The following MAN2B2 variants were observed in gnomAD, a reference collection of about 807,000 sequenced individuals.
MAN2B2 encodes epididymis-specific alpha-mannosidase.
Under a neutral mutation model 117.1 loss-of-function variants are expected in MAN2B2, and 106 were observed. That is an observed-to-expected ratio of 0.90 (90% CI 0.77 to 1.06). The LOEUF is 1.06. MAN2B2 is among the 50% of genes least tolerant of loss of function. The pLI is 0.00. For synonymous variants in MAN2B2, 544 were observed against 595.1 expected, an observed-to-expected ratio of 0.91 and a Z score of 1.25; for missense variants, 1,326 against 1,381.4, an observed-to-expected ratio of 0.96 and a Z score of 0.64.
In MAN2B2 at chr4:6,617,423, G is replaced by A. The variant is rs765110208; in HGVS notation, c.2745G>A (p.Leu915=). The change falls in exon 17 of 19, where the codon CTG becomes CTA. Residue 915 remains leucine, a synonymous_variant. Coordinates refer to ENST00000285599, the MANE Select transcript of MAN2B2 (RefSeq NM_015274.3). ...AGGCTGACCTCCGCCGTGTCCTGCT[G>A]CGGCTCTACCACCTATATGAAGTGG... is the stretch of plus-strand genomic sequence containing the variant. ...EAQADLRRVL[L]RLYHLYEVGE... 6.2e-7 allele frequency: 1 copy of A among 1,614,148 alleles called. No homozygotes were observed. The highest frequency in any genetic ancestry group is 2.2e-5 in the East Asian group (1 of 44,866).
At chr4:6,619,682 G>C (rs1712064696) in intron 17 of MAN2B2, 2 of 426,484 alleles carry the variant, frequency 4.7e-6, no homozygotes, top group Non-Finnish European at 8.6e-6. Context: ...TGCTCCTCCA[G>C]CTCGGCCACC....
chr4:6,594,417 C>T (rs1726983480), intron 6 of MAN2B2, 117 bp from the exon 7 acceptor site: 2 of 1,012,012 alleles, frequency 2.0e-6, no homozygotes, highest in African/African-American at 1.6e-5. Context: ...GTTTGGGGCC[C>T]CTGTTGGCCG....
intron 1 of MAN2B2, among the ~76,000 whole-genome samples, chr4:6,576,141 C>T (rs1726050119): frequency 6.6e-6 from 1 of 152,176 alleles, no homozygotes. Flanking sequence ...AGCTCTTCCT[C>T]TCAGCACCAG....
chr4:6,575,246 G>A lies in MAN2B2; in HGVS notation c.36G>A (p.Pro12=). 1.3e-6 allele frequency: 2 copies of A among 1,543,014 alleles called. No individual in the cohort carries two copies. The highest frequency in any genetic ancestry group is 8.7e-7 in the Non-Finnish European group (1 of 1,149,762). The change falls in exon 1 of 19, where the codon CCG becomes CCA. Residue 12 remains proline, a synonymous_variant. Transcript: ENST00000285599. ...GQLCWLPLLA[P]LLLLRPPGVQ... ...TGTGCTGGCTGCCGCTGCTGGCACCGCTCCTGTTGCTGCGACCGCCAGGGG... is the reference window on the plus strand; with the variant it reads ...TGTGCTGGCTGCCGCTGCTGGCACCACTCCTGTTGCTGCGACCGCCAGGGG...
Position 6,611,158 on chromosome 4 carries a change from TCA to T in MAN2B2, c.2444_2445del (p.Ser815CysfsTer94), listed in dbSNP as rs777347000. 8 of 1,613,856 alleles carry T rather than the reference TCA, an allele frequency of 5.0e-6. No homozygotes were observed. In the South Asian group the frequency reaches 8.8e-5, roughly 18 times the overall value. ...LGYNLTLNDT[S>X]VVHPVLWLLL... ...CTACAACCTCACGCTGAACGACACC[TCA>T]GTCGTCCACCCAGTGCTCTGGCTTC... On this transcript the variant is annotated frameshift_variant, in exon 15 of 19. Transcript: ENST00000285599. LOFTEE classifies it high-confidence loss of function.
intron 6 of MAN2B2, 63 bp from the exon 7 acceptor site, chr4:6,594,471 C>T: frequency 6.5e-7 from 1 of 1,549,002 alleles, no homozygotes; most frequent in African/African-American, 1.4e-5. Flanking sequence ...AGCGATCGGC[C>T]CACCCCCACT....
chr4:6,600,377 G>A (rs1478950316), intron 9 of MAN2B2, among the ~76,000 whole-genome samples: 2 of 152,326 alleles, frequency 1.3e-5, no homozygotes, highest in African/African-American at 4.8e-5. Flanking sequence ...TCTCCAGGGC[G>A]ACACGGACAC....
Position 6,593,229 on chromosome 4 carries a change from T to G in MAN2B2, c.737T>G (p.Val246Gly), listed in dbSNP as rs1426385429. The change falls in exon 6 of 19, where the codon GTG (valine) becomes GGG (glycine). Residue 246 changes from valine to glycine, a missense_variant. Physicochemically the swap from Val to Gly is moderately radical, Grantham distance 109. Coordinates refer to ENST00000285599, the MANE Select transcript of MAN2B2 (RefSeq NM_015274.3). ...TTCCCCAAGCCTCCCCAAGATGGGG[T>G]GTACCCCAACATGAGTGAGCCTGTC... ...AVFPKPPQDG[V>G]YPNMSEPVTP... The G allele has an allele frequency of 3.7e-6, 6 of 1,613,622 alleles. No individual in the cohort carries two copies. The highest frequency in any genetic ancestry group is 1.3e-5 in the African/African-American group (1 of 74,876).
chr4:6,618,780 C>T (rs1448227313), intron 17 of MAN2B2: 2 of 152,286 alleles, frequency 1.3e-5, no homozygotes, highest in East Asian at 3.8e-4. Context: ...CCTCCTTCGA[C>T]ATCTGAGTCT....
In MAN2B2 at chr4:6,576,566, TC is replaced by T; in HGVS notation, c.139-8del. On this transcript the variant is annotated splice_polypyrimidine_tract_variant and intron_variant, in intron 1 of 18. Transcript: ENST00000285599. ...TTGGACCGGGGCTGGCATGATGCTG[TC>T]CCCTCCCCAGGAAAGCATGCGGGCG... The T allele has an allele frequency of 6.2e-7, 1 of 1,604,972 alleles. No individual in the cohort carries two copies. Among genetic ancestry groups the T allele is most frequent in the Non-Finnish European group, 8.5e-7 (1 of 1,174,686 alleles).
intron 6 of MAN2B2, among the ~76,000 whole-genome samples, chr4:6,593,642 T>C (rs1726950035): frequency 6.6e-6 from 1 of 152,220 alleles, no homozygotes; most frequent in African/African-American, 2.4e-5. Context: ...TTAGAGTCCA[T>C]TGAGCTTCAG....
chr4:6,601,913 G>A (rs1207118716), intron 10 of MAN2B2, among the ~76,000 whole-genome samples: 1 of 152,190 alleles, frequency 6.6e-6, no homozygotes, highest in African/African-American at 2.4e-5. Context: ...GTGACAGTCT[G>A]CCCTTGTAGG....
At chr4:6,602,527 A>C (rs1379962268) in intron 10 of MAN2B2, among the ~76,000 whole-genome samples, 1 of 152,188 alleles carries the variant, frequency 6.6e-6, no homozygotes, top group Non-Finnish European at 1.5e-5. Context: ...ATGACTTGGA[A>C]TCCGGACGTC....
chr4:6,595,575 G>A (rs1438728594), intron 7 of MAN2B2, among the ~76,000 whole-genome samples: 1 of 152,234 alleles, frequency 6.6e-6, no homozygotes, highest in Admixed American at 6.5e-5. Flanking sequence ...GCCGGACAAG[G>A]GGGTTGAACT....
At chr4:6,604,962 G>C in intron 10 of MAN2B2, 93 bp from the exon 11 acceptor site, 2 of 1,431,854 alleles carry the variant, frequency 1.4e-6, no homozygotes, top group Non-Finnish European at 1.9e-6. Context: ...CCGAGAGATG[G>C]AAAGACACTG....
chr4:6,620,461 G>C (rs1221571821), intron 18 of MAN2B2: 11 of 198,178 alleles, frequency 5.6e-5, no homozygotes, highest in Non-Finnish European at 1.2e-4. Flanking sequence ...TCCGCACCAT[G>C]CCCTCTGCCT....
rs369065221 is a variant in MAN2B2, at chr4:6,609,839, G to A, written c.2048G>A (p.Arg683Gln). The stretch of plus-strand genomic sequence containing the variant: ...AATTACACGTATGCAATCCGCTCCC[G>A]GCTCACCCATGTGCCGCAGGGCCAT... ...AQNYTYAIRS[R>Q]LTHVPQGHDG... is the part of the protein sequence containing the mutation. The change falls in exon 13 of 19, where the codon CGG becomes CAG. Residue 683 changes from arginine to glutamine, a missense_variant. Coordinates refer to ENST00000285599, the MANE Select transcript of MAN2B2 (RefSeq NM_015274.3). The A allele has an allele frequency of 7.7e-5, 125 of 1,613,884 alleles. No individual in the cohort carries two copies. Among genetic ancestry groups the A allele is most frequent in the Admixed American group, 2.7e-4 (16 of 60,004 alleles).
At position 6,621,494 on chromosome 4, in the gene MAN2B2, C is replaced by A. The variant is rs1039718781; in HGVS notation, c.*209C>A. On this transcript the variant is annotated 3_prime_UTR_variant, in exon 19 of 19. Transcript: ENST00000285599. ...TTACAAGATCCAGGTTCTTCCCCCC[C>A]ACACTCAATCAAGCCAGCCCTCTCC... 4 of 542,150 alleles carry A rather than the reference C, an allele frequency of 7.4e-6. No individual in the cohort carries two copies. The highest frequency in any genetic ancestry group is 5.7e-5 in the African/African-American group (3 of 52,596). 33.6% of individuals were successfully genotyped at this position (542,150 alleles called of 1,614,324 possible). A position where few individuals can be genotyped will look rare whatever the true frequency, so the allele number is the denominator to read the frequency against.
At chr4:6,575,388 G>T in intron 1 of MAN2B2, 40 bp downstream of exon 1, 1 of 1,421,356 alleles carries the variant, frequency 7.0e-7, no homozygotes, top group Non-Finnish European at 9.3e-7. Flanking sequence ...TGAGGCTGCA[G>T]CTTCCCTCTC....
Sources: gnomAD v4.1 joint callset for allele counts (sites outside exome capture counted in the v4.1 genomes callset) on GRCh38, gnomAD v4.1.1 for gene constraint, MANE v1.5 for transcripts, NCBI Gene and HGNC (gene_info 2026-07-23, HGNC 2026-07-21) for gene names.